Variants in NALCN observed in about 807,000 individuals in gnomAD.
NALCN encodes sodium leak channel NALCN.
In NALCN, 111 loss-of-function variants were observed where a neutral mutation model predicts 225.3. The ratio of observed to expected loss-of-function variants is 0.49; its 90% CI spans 0.42 to 0.58. The LOEUF (loss-of-function observed/expected upper bound fraction) is 0.58, where lower values mean the gene tolerates loss of function less well. Ranked by LOEUF, NALCN falls within the 20% of genes least tolerant of loss-of-function variation. The pLI is 0.00. For missense variants in NALCN, 1,378 were observed against 2,202.4 expected (o/e 0.63, Z 7.49); for synonymous variants, 764 against 769.0 (o/e 0.99, Z 0.11).
At chr13:101,226,854 G>A (rs1338575530) in intron 13 of NALCN, among the ~76,000 whole-genome samples, 1 of 152,100 alleles carries the variant, frequency 6.6e-6, no homozygotes, top group Non-Finnish European at 1.5e-5. Flanking sequence ...TCCTGATCAG[G>A]GCCCAGATGA....
intron 18 of NALCN, 88 bp downstream of exon 18, chr13:101,124,520 G>A: frequency 8.8e-7 from 1 of 1,139,154 alleles, no homozygotes; most frequent in Non-Finnish European, 1.3e-6. Flanking sequence ...CTGATGCCCA[G>A]AACATTAATT....
intron 6 of NALCN, among the ~76,000 whole-genome samples, chr13:101,367,405 C>G (rs2046406709): frequency 6.9e-6 from 1 of 144,936 alleles, no homozygotes; most frequent in Non-Finnish European, 1.6e-5. Context: ...TCTGATAACA[C>G]TTTCTAACTA....
At chr13:101,150,134 GCAA>G in intron 15 of NALCN, among the ~76,000 whole-genome samples, 1 of 136,140 alleles carries the variant, frequency 7.3e-6, no homozygotes, top group South Asian at 2.8e-4. Context: ...GGAGCCAGAC[GCAA>G]CAACAGAGTA....
At chr13:101,067,117 T>C (rs984558301) in intron 39 of NALCN, among the ~76,000 whole-genome samples, 3 of 151,374 alleles carry the variant, frequency 2.0e-5, no homozygotes, top group Non-Finnish European at 4.4e-5. Context: ...TGCCTAGAAC[T>C]GTGCCTGAGT....
At chr13:101,175,180 A>G (rs1217307822) in intron 15 of NALCN, among the ~76,000 whole-genome samples, 1 of 152,066 alleles carries the variant, frequency 6.6e-6, no homozygotes, top group Non-Finnish European at 1.5e-5. Context: ...TAGCTGTAGG[A>G]TGGTAAAGAA....
chr13:101,340,549 C>T (rs1052539372), intron 7 of NALCN, among the ~76,000 whole-genome samples: 2 of 152,184 alleles, frequency 1.3e-5, no homozygotes, highest in African/African-American at 4.8e-5. Flanking sequence ...TTCTCAGTTG[C>T]TCTTTACATT....
rs961248558 is a variant in NALCN, at chr13:101,073,753, C to T, written c.4104-76G>A. On this transcript the variant is annotated intron_variant, in intron 36 of 43. Transcript: ENST00000251127. ...CATGAAATAGCATGGTTTGCCAACACCAAAACAAGTGGAGGTTGTAGCAAA... is the reference window on the plus strand; with the variant it reads ...CATGAAATAGCATGGTTTGCCAACATCAAAACAAGTGGAGGTTGTAGCAAA... 8 of 1,280,872 alleles carry T rather than the reference C, an allele frequency of 6.2e-6. No individual in the cohort carries two copies. In the Admixed American group the frequency reaches 1.2e-4, roughly 19 times the overall value. The allele number at this position is 1,280,872 out of a possible 1,614,324, so 79.3% of individuals were successfully genotyped here.
At position 101,312,952 on chromosome 13, in the gene NALCN, C is replaced by T. The variant is rs535903500; in HGVS notation, c.800-20586G>A. ...AACTATACTACAAGGCTACAGTAAC[C>T]AAAACAGCATGGTACTGGTACCAAA... On this transcript the variant is annotated intron_variant, in intron 7 of 43. Coordinates refer to ENST00000251127, the MANE Select transcript of NALCN (RefSeq NM_052867.4). Among the ~76,000 whole-genome samples, 339 of 152,220 alleles carry T rather than the reference C, an allele frequency of 2.2e-3. 2 individuals carry two copies. The highest frequency in any genetic ancestry group is 7.3e-3 in the African/African-American group (302 of 41,546).
intron 27 of NALCN, among the ~76,000 whole-genome samples, chr13:101,100,333 G>T (rs1802808298): frequency 6.6e-6 from 1 of 152,194 alleles, no homozygotes; most frequent in South Asian, 2.1e-4. Context: ...TAAACAGCTG[G>T]AATCTTGGGT....
chr13:101,096,967 C>T (rs2034541677), intron 27 of NALCN, among the ~76,000 whole-genome samples: 1 of 152,146 alleles, frequency 6.6e-6, no homozygotes. Context: ...TAAGCCATGT[C>T]TCCTCTTGGC....
intron 1 of NALCN, among the ~76,000 whole-genome samples, chr13:101,400,066 T>C (rs1330628249): frequency 6.6e-6 from 1 of 151,864 alleles, no homozygotes; most frequent in Non-Finnish European, 1.5e-5. Flanking sequence ...TAAAGGAAGG[T>C]GAGGAACTAA....
intron 10 of NALCN, among the ~76,000 whole-genome samples, chr13:101,272,189 T>G (rs1011933932): frequency 1.3e-5 from 2 of 152,118 alleles, no homozygotes; most frequent in African/African-American, 4.8e-5. Context: ...TACACATGCA[T>G]GCTGTGTTTT....
intron 26 of NALCN, among the ~76,000 whole-genome samples, chr13:101,101,583 GA>G (rs1566813581): frequency 6.6e-6 from 1 of 152,146 alleles, no homozygotes; most frequent in South Asian, 2.1e-4. Flanking sequence ...GCCTGGCCTG[GA>G]TTCATATTTT....
At chr13:101,301,806 A>G (rs2043982594) in intron 7 of NALCN, among the ~76,000 whole-genome samples, 1 of 151,856 alleles carries the variant, frequency 6.6e-6, no homozygotes, top group Non-Finnish European at 1.5e-5. Context: ...CTAACATTCC[A>G]GTCATCCATT....
intron 6 of NALCN, among the ~76,000 whole-genome samples, chr13:101,355,647 G>C (rs545185056): frequency 1.3e-5 from 2 of 152,208 alleles, no homozygotes; most frequent in African/African-American, 4.8e-5. Flanking sequence ...TAACGAGACA[G>C]AAAATTAACA....
chr13:101,124,926 T>C (rs2036161861), intron 17 of NALCN, among the ~76,000 whole-genome samples: 1 of 152,166 alleles, frequency 6.6e-6, no homozygotes. Context: ...ATAATGGCCT[T>C]CGTCTGAATA....
chr13:101,078,418 C>T (rs1333831111), intron 34 of NALCN, among the ~76,000 whole-genome samples: 1 of 152,156 alleles, frequency 6.6e-6, no homozygotes, highest in African/African-American at 2.4e-5. Flanking sequence ...GTGGAGCTGC[C>T]CAAGGCCATG....
In NALCN at chr13:101,090,056, G is replaced by A. The variant is rs2034141857; in HGVS notation, c.3270-90C>T. The A allele has an allele frequency of 2.1e-5, 33 of 1,574,198 alleles. No individual in the cohort carries two copies. In the Middle Eastern group the frequency reaches 5.2e-4, roughly 25 times the overall value. On this transcript the variant is annotated intron_variant, in intron 28 of 43. Transcript: ENST00000251127. ...GTAGCCCTTTCCAGTCATGAGTGTG[G>A]GATATGTGTGTGTGTGTGTATATAC...
intron 7 of NALCN, among the ~76,000 whole-genome samples, chr13:101,302,862 TA>T (rs34807955): frequency 0.21 from 31,176 of 152,016 alleles, 4,004 homozygotes; most frequent in Non-Finnish European, 0.27. Flanking sequence ...AAAACATGTT[TA>T]AAATTGAAAT....
Sources: allele counts gnomAD v4.1 joint callset (sites outside exome capture counted in the v4.1 genomes callset), GRCh38; gene constraint gnomAD v4.1.1; transcripts MANE v1.5; gene names NCBI Gene and HGNC (gene_info 2026-07-23, HGNC 2026-07-21).